The following SH3BP2 variants were observed in gnomAD, a reference collection of about 807,000 sequenced individuals.
The protein encoded by SH3BP2 is SH3 domain-binding protein 2.
SH3BP2 carries 38 observed loss-of-function variants against 56.2 expected under a neutral mutation model. The observed-to-expected ratio is 0.68, with a 90% CI of 0.52 to 0.89. The LOEUF is 0.89. SH3BP2 is among the 40% of genes least tolerant of loss of function. The pLI, the probability that SH3BP2 is intolerant of heterozygous loss-of-function variation, is 0.00. For synonymous variants in SH3BP2, 346 were observed against 316.7 expected, an observed-to-expected ratio of 1.09 and a Z score of -0.98; for missense variants, 748 against 762.6, an observed-to-expected ratio of 0.98 and a Z score of 0.23.
At position 2,818,730 on chromosome 4, in the gene SH3BP2, T is replaced by TG. The variant is rs1252948337; in HGVS notation, c.-4-1879dup. On this transcript the variant is annotated intron_variant, in intron 1 of 12. Coordinates refer to ENST00000503393, the MANE Select transcript of SH3BP2 (RefSeq NM_001122681.2). ...TTTGTTCCAAACCTTGGCCTGTGGT[T>TG]GGGGGTCCTGCGGCTGGGACCCGCC... 2.2e-5 allele frequency: 22 copies of TG among 990,766 alleles called. 1 individual carries two copies. The Admixed American group carries it at 1.2e-3, about 52-fold the overall frequency. 61.4% of individuals were successfully genotyped at this position (990,766 alleles called of 1,614,324 possible).
intron 2 of SH3BP2, among the ~76,000 whole-genome samples, chr4:2,821,554 C>A (rs989778167): frequency 4.6e-5 from 7 of 152,206 alleles, no homozygotes; most frequent in African/African-American, 1.7e-4. Flanking sequence ...GCTCCTGAGT[C>A]TCCCTCTTTT....
intron 1 of SH3BP2, among the ~76,000 whole-genome samples, chr4:2,814,190 G>T (rs1285346661): frequency 2.0e-5 from 3 of 152,248 alleles, no homozygotes. Context: ...CACCACCTGT[G>T]ACATTAACTG....
chr4:2,823,493 G>C (rs768991445), intron 3 of SH3BP2: 6 of 457,212 alleles, frequency 1.3e-5, no homozygotes, highest in South Asian at 9.3e-5. Flanking sequence ...TCAGTTTCCA[G>C]CTTCACGCAT....
intron 1 of SH3BP2, chr4:2,812,220 C>T (rs1723776843): frequency 2.7e-6 from 4 of 1,492,752 alleles, no homozygotes; most frequent in Admixed American, 2.2e-5. Context: ...GTGCCGGCTA[C>T]TTGGTGCTGC....
chr4:2,832,213 G>C (rs1378313750), intron 10 of SH3BP2, 118 bp from the exon 11 acceptor site: 1 of 1,070,008 alleles, frequency 9.3e-7, no homozygotes, highest in Non-Finnish European at 1.5e-6. Context: ...GACGTGCTCA[G>C]CTCCTGAGAC....
chr4:2,831,620 C>A lies in SH3BP2; in HGVS notation c.1291C>A (p.Pro431Thr), dbSNP rs1486769271. ...QSFRSFSFEK[P>T]RQPSQADTGG... is the part of the protein sequence containing the mutation. ...TTTCAGGAGCTTCTCCTTTGAAAAG[C>A]CCCGGCAACCCTCACAGGCTGACAC... The change falls in exon 9 of 13, where the codon CCC becomes ACC. Residue 431 changes from proline to threonine, a missense_variant. Transcript: ENST00000503393. This position sits in a 1 kb window ranked among gnomAD's most constrained non-coding sequence, Gnocchi z 4.1. 1 of 1,605,454 alleles carries A rather than the reference C, an allele frequency of 6.2e-7. No individual in the cohort carries two copies. Among genetic ancestry groups the A allele is most frequent in the Non-Finnish European group, 8.5e-7 (1 of 1,175,702 alleles).
intron 11 of SH3BP2, among the ~76,000 whole-genome samples, chr4:2,832,777 T>A (rs1251172407): frequency 1.3e-5 from 2 of 152,096 alleles, no homozygotes; most frequent in African/African-American, 2.4e-5. Flanking sequence ...TGGTTATTGG[T>A]GGTTATGAGC....
intron 11 of SH3BP2, 97 bp downstream of exon 11, chr4:2,832,509 C>T (rs568357389): frequency 1.2e-5 from 10 of 867,496 alleles, no homozygotes; most frequent in Middle Eastern, 2.9e-4. Context: ...AACCACTCCC[C>T]TTGTGGACTC....
intron 1 of SH3BP2, among the ~76,000 whole-genome samples, chr4:2,806,803 G>A (rs1723554303): frequency 6.6e-6 from 1 of 152,250 alleles, no homozygotes; most frequent in Non-Finnish European, 1.5e-5. Context: ...TGGGGACAGA[G>A]ACACCAGGCC....
At chr4:2,803,794 T>A (rs573903469) in intron 1 of SH3BP2, among the ~76,000 whole-genome samples, 1 of 152,268 alleles carries the variant, frequency 6.6e-6, no homozygotes, top group Admixed American at 6.5e-5. Flanking sequence ...CTAACTCATG[T>A]GGAAGATTGC....
intron 1 of SH3BP2, among the ~76,000 whole-genome samples, chr4:2,813,366 G>A (rs1175056032): frequency 6.6e-6 from 1 of 152,246 alleles, no homozygotes; most frequent in Non-Finnish European, 1.5e-5. Flanking sequence ...GAGGACTCTG[G>A]TTTGAAGCTC....
rs760547264 is a variant in SH3BP2, at chr4:2,829,727, C to G, written c.821C>G (p.Pro274Arg). The change falls in exon 8 of 13, where the codon CCC (proline) becomes CGC (arginine). Residue 274 changes from proline to arginine, a missense_variant. This residue lies in a region of SH3BP2 where 635 missense variants were observed against 615.0 expected (regional missense o/e 1.03). Transcript: ENST00000503393. The surrounding 1 kb of genome is among the most constrained non-coding windows in gnomAD (Gnocchi z 4.9). ...AEPCPRVPATPRRMSDPPLST... is the reference protein window; with the variant it reads ...AEPCPRVPATRRRMSDPPLST... ...CCTTGCCCCAGGGTACCTGCTACCCCCCGAAGGATGAGCGATCCCCCTCTG... is the reference window on the plus strand; with the variant it reads ...CCTTGCCCCAGGGTACCTGCTACCCGCCGAAGGATGAGCGATCCCCCTCTG... 5.6e-6 allele frequency: 9 copies of G among 1,612,872 alleles called. No homozygotes were observed. The South Asian group carries it at 8.8e-5, about 16-fold the overall frequency.
chr4:2,836,666 A>C lies in SH3BP2; in HGVS notation c.*2832A>C, dbSNP rs934530089. 6.6e-6 allele frequency: 1 copy of C among 152,232 alleles called. No homozygotes were observed. The highest frequency in any genetic ancestry group is 1.5e-5 in the Non-Finnish European group (1 of 68,052). 9.4% of individuals were successfully genotyped at this position (152,232 alleles called of 1,614,324 possible). ...GGTCTCTTGCCTGGCTCCCAGGGCT[A>C]GGGTTAGGGCTCTGGAGGTGCTTTC... On this transcript the variant is annotated 3_prime_UTR_variant, in exon 13 of 13. Coordinates refer to ENST00000503393, the MANE Select transcript of SH3BP2 (RefSeq NM_001122681.2).
chr4:2,803,324 G>A (rs141058810), intron 1 of SH3BP2, among the ~76,000 whole-genome samples: 3 of 152,092 alleles, frequency 2.0e-5, no homozygotes, highest in African/African-American at 7.2e-5. Flanking sequence ...CCAGGGCCTC[G>A]GCATCTCCAC....
chr4:2,824,605 GC>G lies in SH3BP2; in HGVS notation c.240-3del. ...ACCAGGCCGTGACCCCTGGCGCTGT[GC>G]CCCCAGGGTGATGCGGGCGGCTGAG... On this transcript the variant is annotated splice_polypyrimidine_tract_variant and splice_region_variant and intron_variant, in intron 3 of 12. Transcript: ENST00000503393. The G allele has an allele frequency of 6.2e-7, 1 of 1,605,362 alleles. No homozygotes were observed.
At position 2,831,487 on chromosome 4, in the gene SH3BP2, G is replaced by C; in HGVS notation, c.1242-84G>C. Reference sequence around the variant, plus strand: ...AGGCAGCTTGCCGTCCTCACACAGAGGGTGGAGTGGGGAGGGGAGCAGAGG... The same window carrying C: ...AGGCAGCTTGCCGTCCTCACACAGACGGTGGAGTGGGGAGGGGAGCAGAGG... On this transcript the variant is annotated intron_variant, in intron 8 of 12. Transcript: ENST00000503393. The surrounding 1 kb of genome is among the most constrained non-coding windows in gnomAD (Gnocchi z 4.1). 2 of 1,002,856 alleles carry C rather than the reference G, an allele frequency of 2.0e-6. No homozygotes were observed. The highest frequency in any genetic ancestry group is 3.1e-6 in the Non-Finnish European group (2 of 646,698). 62.1% of individuals were successfully genotyped at this position (1,002,856 alleles called of 1,614,324 possible).
intron 1 of SH3BP2, among the ~76,000 whole-genome samples, chr4:2,803,136 G>A (rs11947936): frequency 0.24 from 36,431 of 152,056 alleles, 4,926 homozygotes; most frequent in African/African-American, 0.37. Flanking sequence ...GCGGCGCAGG[G>A]CTCTCAGGCC....
chr4:2,818,121 CA>C (rs1204873974), intron 1 of SH3BP2: 1 of 687,124 alleles, frequency 1.5e-6, no homozygotes, highest in African/African-American at 1.9e-5. Flanking sequence ...GGTGACGCGG[CA>C]GGGGGCGGGG....
intron 1 of SH3BP2, chr4:2,798,882 C>A: frequency 2.6e-6 from 2 of 764,362 alleles, no homozygotes; most frequent in Non-Finnish European, 3.2e-6. Context: ...TCCGCCTTCT[C>A]TGGGCAGGGC....
Sources: gnomAD v4.1 joint callset for allele counts (sites outside exome capture counted in the v4.1 genomes callset) on GRCh38, gnomAD v4.1.1 for gene constraint, gnomAD v4.1.1 regional missense constraint, Gnocchi (gnomAD v3.1) non-coding constraint, MANE v1.5 for transcripts, NCBI Gene and HGNC (gene_info 2026-07-23, HGNC 2026-07-21) for gene names.